The following MYO1B variants were observed in gnomAD, a reference collection of about 807,000 sequenced individuals.
The protein encoded by MYO1B is unconventional myosin-Ib.
In MYO1B, 72 loss-of-function variants were observed where a neutral mutation model predicts 159.7. The observed-to-expected ratio is 0.45, with a 90% CI of 0.37 to 0.55. The LOEUF is 0.55. MYO1B is among the 20% of genes least tolerant of loss of function. MYO1B has a pLI of 0.00. For synonymous variants in MYO1B, 468 were observed against 473.8 expected, an observed-to-expected ratio of 0.99 and a Z score of 0.16; for missense variants, 1,062 against 1,364.8, an observed-to-expected ratio of 0.78 and a Z score of 3.50.
At chr2:191,371,336 T>G (rs1207877904) in intron 13 of MYO1B, among the ~76,000 whole-genome samples, 2 of 152,198 alleles carry the variant, frequency 1.3e-5, no homozygotes, top group Non-Finnish European at 2.9e-5. Context: ...AAACCAGACC[T>G]TGCTAGCACA....
intron 30 of MYO1B, among the ~76,000 whole-genome samples, chr2:191,421,665 G>A (rs556573501): frequency 1.2e-4 from 18 of 152,200 alleles, no homozygotes; most frequent in Admixed American, 8.5e-4. Flanking sequence ...TAGTAGAGAC[G>A]TGGGTTTGCC....
At chr2:191,340,130 A>G (rs1429191176) in intron 4 of MYO1B, among the ~76,000 whole-genome samples, 1 of 152,136 alleles carries the variant, frequency 6.6e-6, no homozygotes, top group Non-Finnish European at 1.5e-5. Flanking sequence ...TTCTGCCAAC[A>G]TAAAATAGTC....
chr2:191,384,156 C>T (rs934186379), intron 15 of MYO1B, among the ~76,000 whole-genome samples: 3 of 152,098 alleles, frequency 2.0e-5, no homozygotes, highest in Admixed American at 6.5e-5. Flanking sequence ...GATCATATTC[C>T]GTAGTTTATT....
rs773167352 is a variant in MYO1B at position 191,390,344 on chromosome 2, G to A, written c.1834G>A (p.Val612Met). The A allele has an allele frequency of 6.2e-7, 1 of 1,614,268 alleles. No individual in the cohort carries two copies. Among genetic ancestry groups the A allele is most frequent in the Non-Finnish European group, 8.5e-7 (1 of 1,180,050 alleles). Residue 612 changes from valine (V) to methionine (M), a missense_variant, in exon 18 of 31, where the codon GTG becomes ATG. Coordinates refer to ENST00000392318, the MANE Select transcript of MYO1B (RefSeq NM_001130158.3). ...AGCACACATCTTCAACGAGGCTCTA[G>A]TGTGTCATCAGATCAGGTACCTGGG... ...KAAHIFNEALVCHQIRYLGLL... is the reference protein window; with the variant it reads ...KAAHIFNEALMCHQIRYLGLL...
At chr2:191,336,761 A>G (rs369663531) in intron 4 of MYO1B, among the ~76,000 whole-genome samples, 2 of 152,294 alleles carry the variant, frequency 1.3e-5, no homozygotes, top group African/African-American at 4.8e-5. Flanking sequence ...TTGAACACAA[A>G]CATGGCCTCA....
chr2:191,422,423 C>G (rs1697995473), intron 30 of MYO1B, among the ~76,000 whole-genome samples: 1 of 152,218 alleles, frequency 6.6e-6, no homozygotes, highest in Non-Finnish European at 1.5e-5. Flanking sequence ...TGTGGATGCT[C>G]AATTGTACAC....
chr2:191,266,548 T>C (rs543284460), intron 1 of MYO1B, among the ~76,000 whole-genome samples: 1 of 152,134 alleles, frequency 6.6e-6, no homozygotes, highest in Non-Finnish European at 1.5e-5. Context: ...AGCTTGGTGA[T>C]TTAGGAATTA....
chr2:191,341,425 G>T (rs763213292), intron 4 of MYO1B, 36 bp from the exon 5 acceptor site: 1 of 1,566,500 alleles, frequency 6.4e-7, no homozygotes, highest in Non-Finnish European at 8.7e-7. Flanking sequence ...TTAAATTTCT[G>T]TGTTATTGAT....
chr2:191,400,057 T>C (rs1008190431), intron 21 of MYO1B, among the ~76,000 whole-genome samples: 1 of 152,198 alleles, frequency 6.6e-6, no homozygotes, highest in Non-Finnish European at 1.5e-5. Flanking sequence ...TAGAGGATCA[T>C]TGGAATCCTC....
intron 17 of MYO1B, among the ~76,000 whole-genome samples, chr2:191,388,445 AT>A (rs879642237): frequency 2.0e-5 from 3 of 152,150 alleles, no homozygotes; most frequent in Non-Finnish European, 4.4e-5. Flanking sequence ...GGTGGGTCAG[AT>A]TTCATAGAGC....
intron 4 of MYO1B, among the ~76,000 whole-genome samples, chr2:191,331,016 G>T (rs1412872721): frequency 1.3e-5 from 2 of 152,152 alleles, no homozygotes; most frequent in Non-Finnish European, 2.9e-5. Flanking sequence ...GCCTTGAAAG[G>T]CTCACTATCT....
intron 20 of MYO1B, 138 bp downstream of exon 20, chr2:191,393,360 CT>C (rs1695878756): frequency 5.6e-5 from 59 of 1,057,670 alleles, no homozygotes; most frequent in Non-Finnish European, 6.3e-5. Flanking sequence ...CTTAATGGTT[CT>C]TTTTTTTAAA....
chr2:191,256,366 G>A (rs1442816429), intron 1 of MYO1B, among the ~76,000 whole-genome samples: 1 of 152,164 alleles, frequency 6.6e-6, no homozygotes, highest in Non-Finnish European at 1.5e-5. Flanking sequence ...AGGATTAAAT[G>A]AATCAACACA....
At chr2:191,248,155 A>G (rs1363450865) in intron 1 of MYO1B, 1 of 397,506 alleles carries the variant, frequency 2.5e-6, no homozygotes, top group Non-Finnish European at 3.4e-6. Flanking sequence ...TAAATAGCCT[A>G]ACAATAATTA....
intron 1 of MYO1B, among the ~76,000 whole-genome samples, chr2:191,257,521 C>T (rs1686527283): frequency 6.6e-6 from 1 of 152,140 alleles, no homozygotes; most frequent in Non-Finnish European, 1.5e-5. Context: ...TTCAAAAGCC[C>T]ATTGATTTTA....
intron 3 of MYO1B, among the ~76,000 whole-genome samples, chr2:191,300,339 A>ATTTTT (rs35917445): frequency 1.4e-5 from 2 of 140,948 alleles, no homozygotes; most frequent in South Asian, 4.5e-4. Flanking sequence ...TTACTTGTCA[A>ATTTTT]TTTTTTTTTT....
chr2:191,258,868 A>G (rs1345869659), intron 1 of MYO1B, among the ~76,000 whole-genome samples: 2 of 152,218 alleles, frequency 1.3e-5, no homozygotes, highest in Non-Finnish European at 2.9e-5. Context: ...ATACAAAGGT[A>G]TAGGTAAAAT....
intron 3 of MYO1B, among the ~76,000 whole-genome samples, chr2:191,304,732 TTATGA>T (rs763596926): frequency 1.8e-4 from 28 of 152,354 alleles, no homozygotes; most frequent in East Asian, 3.9e-4. Flanking sequence ...ATGAAAATTG[TTATGA>T]TATAAGAATA....
chr2:191,332,780 A>G (rs896492916), intron 4 of MYO1B, among the ~76,000 whole-genome samples: 3 of 152,162 alleles, frequency 2.0e-5, no homozygotes, highest in Non-Finnish European at 4.4e-5. Context: ...CACTGTACTA[A>G]GCTGCATCTC....
Sources: gnomAD v4.1 joint callset for allele counts (sites outside exome capture counted in the v4.1 genomes callset) on GRCh38, gnomAD v4.1.1 for gene constraint, MANE v1.5 for transcripts, NCBI Gene and HGNC (gene_info 2026-07-23, HGNC 2026-07-21) for gene names.